Variants in WASF1 observed in about 807,000 individuals in gnomAD.
The protein encoded by WASF1 is WASP family member 1.
WASF1 carries 7 observed loss-of-function variants against 50.5 expected under a neutral mutation model. That is an observed-to-expected ratio of 0.14 (90% CI 0.08 to 0.26). The LOEUF is 0.26. Among genes scored for constraint, WASF1 ranks in the 10% least tolerant of loss-of-function variants. The pLI is 1.00. For synonymous variants in WASF1, 205 were observed against 244.0 expected, an observed-to-expected ratio of 0.84 and a Z score of 1.49; for missense variants, 470 against 694.7, an observed-to-expected ratio of 0.68 and a Z score of 3.64.
chr6:110,168,175 G>C (rs1444781319), intron 2 of WASF1, among the ~76,000 whole-genome samples: 1 of 151,948 alleles, frequency 6.6e-6, no homozygotes, highest in East Asian at 1.9e-4. Context: ...TTAATAACGA[G>C]TGAATTTAAT....
At chr6:110,170,215 G>A (rs983342755) in intron 2 of WASF1, among the ~76,000 whole-genome samples, 5 of 152,192 alleles carry the variant, frequency 3.3e-5, no homozygotes, top group African/African-American at 1.2e-4. Context: ...GAAAAAGAGA[G>A]GACATTTTTT....
rs551766651 is a variant in WASF1, at chr6:110,148,262, T to A, written c.-29+12373A>T. ...ATTCATTCATTCATCTAACCAACCA[T>A]TTACTGAACATCAGTGAAATAAGTA... On this transcript the variant is annotated intron_variant, in intron 3 of 10. Coordinates refer to ENST00000392589, the MANE Select transcript of WASF1 (RefSeq NM_003931.3). 5.3e-5 allele frequency among the ~76,000 whole-genome samples: 8 copies of A among 152,012 alleles called. No individual in the cohort carries two copies. In the South Asian group the frequency reaches 1.7e-3, roughly 32 times the overall value.
In WASF1 at chr6:110,142,952, T is replaced by TAAAAAAAAAAAAAAAAAAA. The variant is rs5879060; in HGVS notation, c.-28-15342_-28-15324dup. On this transcript the variant is annotated intron_variant, in intron 3 of 10. Coordinates refer to ENST00000392589, the MANE Select transcript of WASF1 (RefSeq NM_003931.3). ...AAAGTAATTTGGTTTCCCAATGATG[T>TAAAAAAAAAAAAAAAAAAA]AAAAAAAAAAAAAAAAAAAAACTAA... Among the ~76,000 whole-genome samples, 51 of 119,114 alleles carry TAAAAAAAAAAAAAAAAAAA rather than the reference T, an allele frequency of 4.3e-4. 1 individual carries two copies. The highest frequency in any genetic ancestry group is 1.5e-3 in the East Asian group (6 of 3,910). 78.1% of individuals were successfully genotyped at this position (119,114 alleles called of 152,430 possible).
intron 2 of WASF1, among the ~76,000 whole-genome samples, chr6:110,172,159 T>C (rs563655323): frequency 6.6e-6 from 1 of 152,314 alleles, no homozygotes; most frequent in African/African-American, 2.4e-5. Context: ...GAATTACCAT[T>C]TGACTCAGCA....
intron 3 of WASF1, among the ~76,000 whole-genome samples, chr6:110,132,963 T>TACACACACACACACACACACAC (rs142466639): frequency 6.9e-5 from 9 of 130,072 alleles, no homozygotes; most frequent in African/African-American, 2.0e-4. Context: ...CCATGGTGTA[T>TACACACACACACACACACACAC]ACACACACAC....
At chr6:110,102,355 C>T in intron 9 of WASF1, 139 bp from the exon 10 acceptor site, 1 of 828,268 alleles carries the variant, frequency 1.2e-6, no homozygotes, top group Non-Finnish European at 1.6e-6. Flanking sequence ...AATTTAACAT[C>T]TTCAACAGTA....
At chr6:110,164,020 C>G (rs1303976453) in intron 2 of WASF1, among the ~76,000 whole-genome samples, 1 of 151,590 alleles carries the variant, frequency 6.6e-6, no homozygotes, top group Non-Finnish European at 1.5e-5. Context: ...AAAACTGAAT[C>G]TAGACACAGA....
intron 4 of WASF1, among the ~76,000 whole-genome samples, chr6:110,114,564 C>T (rs914592352): frequency 1.3e-5 from 2 of 152,016 alleles, no homozygotes; most frequent in African/African-American, 4.8e-5. Flanking sequence ...TACATACAGA[C>T]TCTAACATGA....
chr6:110,135,080 C>T (rs1024906650), intron 3 of WASF1, among the ~76,000 whole-genome samples: 1 of 152,082 alleles, frequency 6.6e-6, no homozygotes, highest in Non-Finnish European at 1.5e-5. Flanking sequence ...AGAGGTCTTC[C>T]ACCTCCTTGG....
chr6:110,169,766 C>T (rs1776623178), intron 2 of WASF1, among the ~76,000 whole-genome samples: 1 of 152,134 alleles, frequency 6.6e-6, no homozygotes, highest in Admixed American at 6.5e-5. Context: ...AACTTAGTTT[C>T]CACCACAAAT....
intron 2 of WASF1, among the ~76,000 whole-genome samples, chr6:110,171,178 G>A (rs969751823): frequency 5.3e-5 from 8 of 151,988 alleles, no homozygotes; most frequent in Non-Finnish European, 1.5e-5. Context: ...ACTATATTCT[G>A]GGCCATAAAA....
intron 4 of WASF1, among the ~76,000 whole-genome samples, chr6:110,118,469 G>A (rs1773918220): frequency 6.6e-6 from 1 of 151,628 alleles, no homozygotes; most frequent in Non-Finnish European, 1.5e-5. Context: ...AATGGTAAAG[G>A]GATCAATTCA....
At chr6:110,109,401 T>TA (rs1773459286) in intron 5 of WASF1, among the ~76,000 whole-genome samples, 1 of 152,124 alleles carries the variant, frequency 6.6e-6, no homozygotes, top group Admixed American at 6.5e-5. Flanking sequence ...CATGTTAAAA[T>TA]AAAAAACATA....
chr6:110,127,930 GTTTA>G (rs1381439338), intron 3 of WASF1, among the ~76,000 whole-genome samples: 1 of 151,478 alleles, frequency 6.6e-6, no homozygotes, highest in African/African-American at 2.4e-5. Flanking sequence ...ATTTTCTCTG[GTTTA>G]TTTTATTGTA....
In WASF1 at chr6:110,179,666, G is replaced by C. The variant is rs928609749; in HGVS notation, c.-499C>G. On this transcript the variant is annotated 5_prime_UTR_variant, in exon 1 of 11. Transcript: ENST00000392589. Reference sequence around the variant, plus strand: ...TCGACGCGCGAGTGAACAACACCGCGAGCTGCCGTTCCCCCCGCCCCCTCC... The same window carrying C: ...TCGACGCGCGAGTGAACAACACCGCCAGCTGCCGTTCCCCCCGCCCCCTCC... 1 of 152,242 alleles carries C rather than the reference G, an allele frequency of 6.6e-6. No individual in the cohort carries two copies. Among genetic ancestry groups the C allele is most frequent in the Non-Finnish European group, 1.5e-5 (1 of 68,014 alleles). The allele number at this position is 152,242 out of a possible 1,614,324, so 9.4% of individuals were successfully genotyped here. A position where few individuals can be genotyped will look rare whatever the true frequency, so the allele number is the denominator to read the frequency against.
intron 2 of WASF1, among the ~76,000 whole-genome samples, chr6:110,162,024 T>C (rs1776279575): frequency 1.3e-5 from 2 of 151,534 alleles, no homozygotes; most frequent in African/African-American, 4.8e-5. Context: ...GTACGAGTCG[T>C]AAAATTCAGA....
intron 2 of WASF1, among the ~76,000 whole-genome samples, chr6:110,170,705 GA>G (rs1166330413): frequency 1.3e-5 from 2 of 151,382 alleles, no homozygotes; most frequent in Non-Finnish European, 2.9e-5. Context: ...TTGTATACAA[GA>G]AACCCACTTT....
rs115795355 is a variant in WASF1 at position 110,171,257 on chromosome 6, C to A, written c.-127+7341G>T. Among the ~76,000 whole-genome samples the A allele has an allele frequency of 7.8e-3, 1,194 of 152,128 alleles. 12 individuals carry two copies. The highest frequency in any genetic ancestry group is 0.027 in the African/African-American group (1,138 of 41,510). ...GCTCTCAGACCACAATGCAATTAAA[C>A]CAGAAAGCAATCTCAGAAAGATAGA... On this transcript the variant is annotated intron_variant, in intron 2 of 10. Coordinates refer to ENST00000392589, the MANE Select transcript of WASF1 (RefSeq NM_003931.3).
Position 110,164,339 on chromosome 6 carries a change from T to C in WASF1, c.-126-3607A>G, listed in dbSNP as rs116006653. On this transcript the variant is annotated intron_variant, in intron 2 of 10. Coordinates refer to ENST00000392589, the MANE Select transcript of WASF1 (RefSeq NM_003931.3). ...GTTATTCAGAATATACAAAAAACTC[T>C]TGAAATTCAACAAGAAAATGAACAA... 6.5e-3 allele frequency among the ~76,000 whole-genome samples: 992 copies of C among 151,754 alleles called. 8 individuals are homozygous for C. The highest frequency in any genetic ancestry group is 0.023 in the African/African-American group (951 of 41,468).
Sources: allele counts gnomAD v4.1 joint callset (sites outside exome capture counted in the v4.1 genomes callset), GRCh38; gene constraint gnomAD v4.1.1; transcripts MANE v1.5; gene names NCBI Gene and HGNC (gene_info 2026-07-23, HGNC 2026-07-21).